Variants in MXD4 observed in about 807,000 individuals in gnomAD.
The protein encoded by MXD4 is MAX dimerization protein 4.
A neutral mutation model predicts 24.5 loss-of-function variants in MXD4; 16 were observed. The observed-to-expected ratio is 0.65, with a 90% CI of 0.44 to 0.99. MXD4 has a LOEUF of 0.99. Ranked by LOEUF, MXD4 falls within the 50% of genes least tolerant of loss-of-function variation. The probability of loss-of-function intolerance (pLI) is 0.00; values close to 1 mark genes in which losing one functional copy is unlikely to be tolerated. For missense variants in MXD4, 301 were observed against 301.5 expected, an observed-to-expected ratio of 1.00 and a Z score of 0.01; for synonymous variants, 164 against 134.2, an observed-to-expected ratio of 1.22 and a Z score of -1.54.
intron 3 of MXD4, chr4:2,254,684 C>T (rs1263960119): frequency 2.0e-5 from 3 of 153,036 alleles, no homozygotes; most frequent in Admixed American, 1.3e-4. Flanking sequence ...CTCGATGTCA[C>T]AACGGGCGAA....
Position 2,250,459 on chromosome 4 carries a change from A to C in MXD4, c.*85T>G. Reference sequence around the variant, plus strand: ...GAATGGCACAGCAGTGGGCCTGTGGAGAGGCTGGCGTCAACTGAAGGAGAA... The same window carrying C: ...GAATGGCACAGCAGTGGGCCTGTGGCGAGGCTGGCGTCAACTGAAGGAGAA... On this transcript the variant is annotated 3_prime_UTR_variant, in exon 6 of 6. Transcript: ENST00000337190. The C allele has an allele frequency of 7.1e-7, 1 of 1,418,346 alleles. No homozygotes were observed. The highest frequency in any genetic ancestry group is 9.4e-7 in the Non-Finnish European group (1 of 1,068,816). The allele number at this position is 1,418,346 out of a possible 1,614,324, so 87.9% of individuals were successfully genotyped here. A position where few individuals can be genotyped will look rare whatever the true frequency, so the allele number is the denominator to read the frequency against.
intron 3 of MXD4, among the ~76,000 whole-genome samples, chr4:2,256,985 C>T (rs1735444352): frequency 1.3e-5 from 2 of 152,332 alleles, no homozygotes; most frequent in Admixed American, 1.3e-4. Flanking sequence ...TCTCTTGGGC[C>T]CTGTACCTGC....
intron 3 of MXD4, chr4:2,253,105 A>G (rs1479694691): frequency 6.5e-6 from 1 of 154,364 alleles, no homozygotes; most frequent in African/African-American, 2.4e-5. Context: ...CACTTTCCAC[A>G]AAACTGGAGC....
In MXD4 at chr4:2,261,909, A is replaced by C; in HGVS notation, c.64+8T>G. ...CGCCGCGGGCGCACAATGGGGTGCGAGCGCTACCTCGATCCCTGCGCTCCA... is the reference window on the plus strand; with the variant it reads ...CGCCGCGGGCGCACAATGGGGTGCGCGCGCTACCTCGATCCCTGCGCTCCA... On this transcript the variant is annotated splice_region_variant and intron_variant, in intron 1 of 5. Transcript: ENST00000337190. 6.9e-7 allele frequency: 1 copy of C among 1,455,262 alleles called. No homozygotes were observed. 90.1% of individuals were successfully genotyped at this position (1,455,262 alleles called of 1,614,324 possible). A position where few individuals can be genotyped will look rare whatever the true frequency, so the allele number is the denominator to read the frequency against.
chr4:2,251,248 T>C lies in MXD4; in HGVS notation c.310-2A>G. ...CCGGCGGTCCTGCTCCTCCAGTTTC[T>C]GGGGTCGAGGGGGGCTGTGAGCTCA... On this transcript the variant is annotated splice_acceptor_variant, in intron 4 of 5. Coordinates refer to ENST00000337190, the MANE Select transcript of MXD4 (RefSeq NM_006454.3). LOFTEE classifies it high-confidence loss of function. The C allele has an allele frequency of 1.3e-6, 2 of 1,589,856 alleles. No individual in the cohort carries two copies. Among genetic ancestry groups the C allele is most frequent in the Admixed American group, 1.7e-5 (1 of 58,374 alleles).
chr4:2,254,412 G>A (rs746683573), intron 3 of MXD4: 3 of 152,004 alleles, frequency 2.0e-5, no homozygotes, highest in East Asian at 1.9e-4. Flanking sequence ...CACAGGGAGC[G>A]TGCGTCTCCA....
chr4:2,252,924 C>T (rs944666434), intron 3 of MXD4: 5 of 195,788 alleles, frequency 2.6e-5, no homozygotes, highest in Admixed American at 1.6e-4. Context: ...ACAAGATTCA[C>T]GTCTCTCTAC....
intron 2 of MXD4, 124 bp from the exon 3 acceptor site, chr4:2,258,135 G>C: frequency 8.2e-7 from 1 of 1,226,934 alleles, no homozygotes; most frequent in Non-Finnish European, 1.2e-6. Context: ...GTCCTGGAAT[G>C]GCCCAGAGCA....
chr4:2,251,132 G>A lies in MXD4; in HGVS notation c.424C>T (p.Arg142Cys). 2.5e-6 allele frequency: 4 copies of A among 1,600,428 alleles called. No homozygotes were observed. Among genetic ancestry groups the A allele is most frequent in the Non-Finnish European group, 3.4e-6 (4 of 1,173,430 alleles). The change falls in exon 5 of 6, where the codon CGC becomes TGC. Residue 142 changes from arginine (R) to cysteine (C), a missense_variant. Physicochemically the swap from Arg to Cys is radical, Grantham distance 180 (BLOSUM62 -3). Coordinates refer to ENST00000337190, the MANE Select transcript of MXD4 (RefSeq NM_006454.3). ...QLSVQSVERVRTDSTGSAVST... is the reference protein window; with the variant it reads ...QLSVQSVERVCTDSTGSAVST... Reference sequence around the variant, plus strand: ...ACAGCAGAGCCCGTGCTATCTGTGCGCACGCGCTCCACGCTCTGCACCGAC... The same window carrying A: ...ACAGCAGAGCCCGTGCTATCTGTGCACACGCGCTCCACGCTCTGCACCGAC...
chr4:2,250,704 AG>A lies in MXD4; in HGVS notation c.473-4del. Reference sequence around the variant, plus strand: ...CTCCATGCCCTCTATGTCCACTTCTAGGGAGAATAGAGTGGGGATGGGGTCA... The same window carrying A: ...CTCCATGCCCTCTATGTCCACTTCTAGGAGAATAGAGTGGGGATGGGGTCA... On this transcript the variant is annotated splice_polypyrimidine_tract_variant and splice_region_variant and intron_variant, in intron 5 of 5. Coordinates refer to ENST00000337190, the MANE Select transcript of MXD4 (RefSeq NM_006454.3). 2 of 1,612,660 alleles carry A rather than the reference AG, an allele frequency of 1.2e-6. No homozygotes were observed. Among genetic ancestry groups the A allele is most frequent in the Non-Finnish European group, 1.7e-6 (2 of 1,179,366 alleles).
chr4:2,261,660 G>T (rs1735549118), intron 2 of MXD4, 65 bp downstream of exon 2: 2 of 996,546 alleles, frequency 2.0e-6, no homozygotes, highest in Middle Eastern at 4.1e-4. Context: ...GGCCCGGAGA[G>T]CACGCTCCGG....
At chr4:2,253,337 T>A (rs1272000760) in intron 3 of MXD4, 1 of 152,132 alleles carries the variant, frequency 6.6e-6, no homozygotes, top group Non-Finnish European at 1.5e-5. Flanking sequence ...CCCAGAGGCA[T>A]CAACTCGGCC....
intron 3 of MXD4, chr4:2,255,071 T>C (rs2236999): frequency 0.23 from 81,744 of 353,586 alleles, 13,753 homozygotes; most frequent in African/African-American, 0.59. Flanking sequence ...CAAAGAACGC[T>C]GGTGGCACAG....
chr4:2,247,758 T>A lies in MXD4; in HGVS notation c.*2786A>T, dbSNP rs1207711907. The A allele has an allele frequency of 6.6e-6, 1 of 152,354 alleles. No homozygotes were observed. The highest frequency in any genetic ancestry group is 6.5e-5 in the Admixed American group (1 of 15,288). 9.4% of individuals were successfully genotyped at this position (152,354 alleles called of 1,614,324 possible). On this transcript the variant is annotated 3_prime_UTR_variant, in exon 6 of 6. Coordinates refer to ENST00000337190, the MANE Select transcript of MXD4 (RefSeq NM_006454.3). ...GCCGGGGCAGACAGAGCAGGGACCC[T>A]AGGGCCACAGACCGGTACAGGGTTC... is the stretch of plus-strand genomic sequence containing the variant.
chr4:2,257,590 C>T (rs139364244), intron 3 of MXD4, among the ~76,000 whole-genome samples: 33 of 152,368 alleles, frequency 2.2e-4, no homozygotes, highest in African/African-American at 7.2e-4. Context: ...ATCTGCCCCT[C>T]GGACAAGACT....
At chr4:2,257,957 T>C (rs1277431802) in intron 3 of MXD4, 25 bp downstream of exon 3, 1 of 1,613,440 alleles carries the variant, frequency 6.2e-7, no homozygotes, top group African/African-American at 1.3e-5. Context: ...GTCGGGCTCA[T>C]GTGGGGAACT....
Position 2,251,199 on chromosome 4 carries a change from C to A in MXD4, c.357G>T (p.Leu119=), listed in dbSNP as rs757352118. 45 of 1,608,028 alleles carry A rather than the reference C, an allele frequency of 2.8e-5. No homozygotes were observed. Among genetic ancestry groups the A allele is most frequent in the East Asian group, 9.0e-5 (4 of 44,682 alleles). The part of the protein sequence containing the change: ...DRRALSIKEQ[L]QQEHRFLKRR... Reference sequence around the variant, plus strand: ...GCTTCAGGAAACGATGCTCCTGCTGCAGCTGCTCCTTGATGCTCAGTGCCC... The same window carrying A: ...GCTTCAGGAAACGATGCTCCTGCTGAAGCTGCTCCTTGATGCTCAGTGCCC... The change falls in exon 5 of 6, where the codon CTG becomes CTT. Residue 119 remains leucine, a synonymous_variant. Transcript: ENST00000337190.
Position 2,262,052 on chromosome 4 carries a change from G to C in MXD4, c.-72C>G. The C allele has an allele frequency of 3.3e-5, 29 of 867,468 alleles. No individual in the cohort carries two copies. Among genetic ancestry groups the C allele is most frequent in the Non-Finnish European group, 4.0e-5 (29 of 721,024 alleles). The allele number at this position is 867,468 out of a possible 1,614,324, so 53.7% of individuals were successfully genotyped here. On this transcript the variant is annotated 5_prime_UTR_variant, in exon 1 of 6. Transcript: ENST00000337190. ...CGGCCCGCTCCGGCCGGCTCCGCTC[G>C]CCGCCCACCCCGCGCGCCCGGCCGC... is the stretch of plus-strand genomic sequence containing the variant.
chr4:2,252,716 CCA>C (rs1735350338), intron 3 of MXD4, 194 bp from the exon 4 acceptor site: 1 of 548,318 alleles, frequency 1.8e-6, no homozygotes, highest in Non-Finnish European at 3.3e-6. Flanking sequence ...CCCACAGCCC[CCA>C]GACACCTGGC....
Sources: gnomAD v4.1 joint callset for allele counts (sites outside exome capture counted in the v4.1 genomes callset) on GRCh38, gnomAD v4.1.1 for gene constraint, MANE v1.5 for transcripts, NCBI Gene and HGNC (gene_info 2026-07-23, HGNC 2026-07-21) for gene names.